MICAL3: variants seen among roughly 807,000 people sequenced by gnomAD.
MICAL3 encodes the protein microtubule associated monooxygenase, calponin and LIM domain containing 3.
MICAL3 carries 62 observed loss-of-function variants against 207.4 expected under a neutral mutation model. The ratio of observed to expected loss-of-function variants is 0.30; its 90% confidence interval spans 0.24 to 0.37. MICAL3 has a LOEUF of 0.37. MICAL3 is among the 10% of genes least tolerant of loss of function. MICAL3 has a pLI of 1.00. For synonymous variants in MICAL3, 1,077 were observed against 1,069.3 expected, an observed-to-expected ratio of 1.01 and a Z score of -0.14; for missense variants, 2,368 against 2,635.6, an observed-to-expected ratio of 0.90 and a Z score of 2.22.
At chr22:17,809,529 G>A (rs1018544573) in intron 28 of MICAL3, among the ~76,000 whole-genome samples, 1 of 152,264 alleles carries the variant, frequency 6.6e-6, no homozygotes, top group South Asian at 2.1e-4. Flanking sequence ...AGCTACTCGG[G>A]AGGCTGAGGC....
intron 29 of MICAL3, among the ~76,000 whole-genome samples, chr22:17,807,799 C>T (rs1044277291): frequency 1.3e-5 from 2 of 152,196 alleles, no homozygotes; most frequent in East Asian, 1.9e-4. Context: ...TGCTCCTGGC[C>T]GCCTCCTCCC....
At chr22:17,868,319 TAA>T (rs386394929) in intron 17 of MICAL3, among the ~76,000 whole-genome samples, 2 of 142,816 alleles carry the variant, frequency 1.4e-5, no homozygotes, top group Admixed American at 7.0e-5. Context: ...CTTTTTAAAT[TAA>T]AAAAAAAAAA....
chr22:17,811,046 G>A (rs919952219), intron 27 of MICAL3: 2 of 500,004 alleles, frequency 4.0e-6, no homozygotes, highest in Middle Eastern at 5.5e-4. Context: ...CAGTGCCACG[G>A]GCACACCTAA....
intron 19 of MICAL3, chr22:17,863,114 A>T (rs867328276): frequency 1.0e-6 from 1 of 985,394 alleles, no homozygotes; most frequent in Non-Finnish European, 1.2e-6. Flanking sequence ...TAGAACTCCT[A>T]AAAACCTGAA....
chr22:17,971,687 G>A (rs1355650046), intron 1 of MICAL3, among the ~76,000 whole-genome samples: 1 of 152,206 alleles, frequency 6.6e-6, no homozygotes, highest in Non-Finnish European at 1.5e-5. Flanking sequence ...CACAGCCATC[G>A]GTGTAAAAAC....
At chr22:18,005,252 G>A (rs1923312865) in intron 1 of MICAL3, 1 of 152,102 alleles carries the variant, frequency 6.6e-6, no homozygotes, top group Non-Finnish European at 1.5e-5. Flanking sequence ...TTTATATTAT[G>A]TTTACATTTA....
chr22:17,897,272 A>G lies in MICAL3; in HGVS notation c.949-291T>C, dbSNP rs142338667. Reference sequence around the variant, plus strand: ...ACCCCATCTGTACTAAAAATACAAAAATCAGCCAGGCATGGTGGTGTGTGC... The same window carrying G: ...ACCCCATCTGTACTAAAAATACAAAGATCAGCCAGGCATGGTGGTGTGTGC... On this transcript the variant is annotated intron_variant, in intron 7 of 31. Coordinates refer to ENST00000441493, the MANE Select transcript of MICAL3 (RefSeq NM_015241.3). Among the ~76,000 whole-genome samples, 39 of 151,870 alleles carry G rather than the reference A, an allele frequency of 2.6e-4. 1 individual carries two copies. The East Asian group carries it at 7.6e-3, about 30-fold the overall frequency.
Position 17,896,834 on chromosome 22 carries a change from C to T in MICAL3, c.1096G>A (p.Val366Met). Residue 366 changes from valine to methionine, a missense_variant, in exon 8 of 32, where the codon GTG (valine) becomes ATG (methionine). This residue lies in a region of MICAL3 where 400 missense variants were observed against 547.0 expected (regional missense o/e 0.73). Coordinates refer to ENST00000441493, the MANE Select transcript of MICAL3 (RefSeq NM_015241.3). Reference sequence around the variant, plus strand: ...ATACAAGTGAAGTCAAACATGGCCACATCGGGCTGCCCATAGTGATTGATG... The same window carrying T: ...ATACAAGTGAAGTCAAACATGGCCATATCGGGCTGCCCATAGTGATTGATG... ...FAINHYGQPDVAMFDFTCMYA... is the reference protein window; with the variant it reads ...FAINHYGQPDMAMFDFTCMYA... The T allele has an allele frequency of 6.2e-7, 1 of 1,614,160 alleles. No homozygotes were observed. Among genetic ancestry groups the T allele is most frequent in the Non-Finnish European group, 8.5e-7 (1 of 1,180,042 alleles).
chr22:17,875,241 C>A, intron 16 of MICAL3: 1 of 347,062 alleles, frequency 2.9e-6, no homozygotes, highest in Non-Finnish European at 5.2e-6. Context: ...TGGATGAAAG[C>A]CAGCAGCCAC....
At chr22:17,825,596 G>A (rs1433361842) in intron 22 of MICAL3, among the ~76,000 whole-genome samples, 1 of 152,160 alleles carries the variant, frequency 6.6e-6, no homozygotes, top group Non-Finnish European at 1.5e-5. Flanking sequence ...GAGGACACAG[G>A]GACAGGCTGC....
intron 28 of MICAL3, among the ~76,000 whole-genome samples, chr22:17,809,992 G>A (rs1441191426): frequency 2.7e-5 from 4 of 150,920 alleles, no homozygotes; most frequent in Admixed American, 6.6e-5. Context: ...GGGTTCAAGC[G>A]ATTCTCGTGC....
intron 7 of MICAL3, among the ~76,000 whole-genome samples, chr22:17,897,787 T>A (rs1277657558): frequency 6.6e-6 from 1 of 152,124 alleles, no homozygotes; most frequent in African/African-American, 2.4e-5. Flanking sequence ...AAGGAATATG[T>A]TGAAAATGGA....
intron 1 of MICAL3, among the ~76,000 whole-genome samples, chr22:18,015,910 A>G (rs1452247538): frequency 6.6e-6 from 1 of 152,170 alleles, no homozygotes; most frequent in Non-Finnish European, 1.5e-5. Flanking sequence ...TGTCCCTATA[A>G]TATTAGACAT....
At position 18,007,766 on chromosome 22, in the gene MICAL3, A is replaced by G. The variant is rs137951098; in HGVS notation, c.-75+16515T>C. ...CAGGTGATCGGGACCATCCTGGCTA[A>G]CAAAAAATTAGCCGGGCATGGTGGC... is the stretch of plus-strand genomic sequence containing the variant. On this transcript the variant is annotated intron_variant, in intron 1 of 31. Coordinates refer to ENST00000441493, the MANE Select transcript of MICAL3 (RefSeq NM_015241.3). Among the ~76,000 whole-genome samples, 1,083 of 151,698 alleles carry G rather than the reference A, an allele frequency of 7.1e-3. 51 individuals are homozygous for G. In the East Asian group the frequency reaches 0.14, roughly 20 times the overall value.
intron 1 of MICAL3, among the ~76,000 whole-genome samples, chr22:17,928,014 C>G (rs2146310462): frequency 6.6e-6 from 1 of 152,350 alleles, no homozygotes; most frequent in African/African-American, 2.4e-5. Flanking sequence ...ACTGTATACT[C>G]TGAGCACTCG....
chr22:17,856,983 G>T (rs939530716), intron 19 of MICAL3, among the ~76,000 whole-genome samples: 3 of 152,188 alleles, frequency 2.0e-5, no homozygotes, highest in Admixed American at 1.3e-4. Flanking sequence ...TGATAGGAAA[G>T]AAATTTTATA....
intron 20 of MICAL3, chr22:17,834,685 C>A (rs1369430430): frequency 1.7e-5 from 14 of 832,734 alleles, no homozygotes; most frequent in African/African-American, 1.9e-5. Context: ...GAGGAGAGGT[C>A]GAAAGTGGGC....
At chr22:17,921,266 T>G (rs910713212) in intron 1 of MICAL3, among the ~76,000 whole-genome samples, 2 of 152,228 alleles carry the variant, frequency 1.3e-5, no homozygotes, top group East Asian at 3.8e-4. Flanking sequence ...TGACTATTTT[T>G]CCCTTCCCTC....
In MICAL3 at chr22:17,801,445, G is replaced by A. The variant is rs1338386218; in HGVS notation, c.5650+7399C>T. Among the ~76,000 whole-genome samples, 21 of 49,824 alleles carry A rather than the reference G, an allele frequency of 4.2e-4. 6 individuals carry two copies. Among genetic ancestry groups the A allele is most frequent in the Admixed American group, 3.1e-3 (19 of 6,200 alleles). The allele number at this position is 49,824 out of a possible 152,430, so 32.7% of individuals were successfully genotyped here. Reference sequence around the variant, plus strand: ...TGGGATTACAGGCGTGAGCCACCGCGCCCGGCCTCCTGAGTTTCCTTTTTC... The same window carrying A: ...TGGGATTACAGGCGTGAGCCACCGCACCCGGCCTCCTGAGTTTCCTTTTTC... On this transcript the variant is annotated intron_variant, in intron 29 of 31. Transcript: ENST00000441493.
Sources: allele counts gnomAD v4.1 joint callset (sites outside exome capture counted in the v4.1 genomes callset), GRCh38; gene constraint gnomAD v4.1.1; regional missense constraint gnomAD v4.1.1; transcripts MANE v1.5; gene names NCBI Gene and HGNC (gene_info 2026-07-23, HGNC 2026-07-21).